Variants in PODXL observed in about 807,000 individuals in gnomAD.
PODXL encodes the protein podocalyxin.
A neutral mutation model predicts 48.9 loss-of-function variants in PODXL; 20 were observed. The observed-to-expected ratio is 0.41, with a 90% confidence interval of 0.29 to 0.59. PODXL has a LOEUF of 0.59. Among genes scored for constraint, PODXL ranks in the 20% least tolerant of loss-of-function variants. The pLI is 0.31. For synonymous variants in PODXL, 295 were observed against 287.4 expected, an observed-to-expected ratio of 1.03 and a Z score of -0.27; for missense variants, 606 against 675.1, an observed-to-expected ratio of 0.90 and a Z score of 1.13.
At chr7:131,548,112 C>T (rs1345201975) in intron 1 of PODXL, among the ~76,000 whole-genome samples, 3 of 152,230 alleles carry the variant, frequency 2.0e-5, no homozygotes, top group Non-Finnish European at 4.4e-5. Context: ...AGAAACTGCC[C>T]CTCAGGACCA....
chr7:131,527,499 G>A (rs1229397069), intron 1 of PODXL, among the ~76,000 whole-genome samples: 10 of 152,172 alleles, frequency 6.6e-5, no homozygotes, highest in East Asian at 1.9e-4. Flanking sequence ...TTAGATTCAC[G>A]TTTTAAGGAA....
intron 1 of PODXL, among the ~76,000 whole-genome samples, chr7:131,553,861 C>T (rs901855842): frequency 1.2e-4 from 19 of 152,122 alleles, no homozygotes; most frequent in African/African-American, 4.1e-4. Flanking sequence ...AACGGAGGCA[C>T]GGAGATGTGA....
intron 1 of PODXL, among the ~76,000 whole-genome samples, chr7:131,550,538 C>G (rs1798651657): frequency 6.6e-6 from 1 of 151,964 alleles, no homozygotes; most frequent in African/African-American, 2.4e-5. Flanking sequence ...CCCAGCTACT[C>G]AGGAGGCTGA....
At chr7:131,543,151 C>A (rs1798511212) in intron 1 of PODXL, among the ~76,000 whole-genome samples, 1 of 152,148 alleles carries the variant, frequency 6.6e-6, no homozygotes, top group Non-Finnish European at 1.5e-5. Context: ...AAGATAGGGT[C>A]TTGTTATGTC....
At position 131,506,038 on chromosome 7, in the gene PODXL, G is replaced by A; in HGVS notation, c.1312-3C>T. On this transcript the variant is annotated splice_polypyrimidine_tract_variant and splice_region_variant and intron_variant, in intron 7 of 8. Transcript: ENST00000378555. The stretch of plus-strand genomic sequence containing the variant: ...AGCTTCATGTCACTGACCCCTGCCT[G>A]CATGGGAAGTGGCAGAGAACAGGCT... The A allele has an allele frequency of 1.2e-6, 2 of 1,609,544 alleles. No homozygotes were observed. Among genetic ancestry groups the A allele is most frequent in the South Asian group, 2.2e-5 (2 of 90,242 alleles).
At chr7:131,510,787 A>G in intron 2 of PODXL, 41 bp downstream of exon 2, 1 of 1,613,344 alleles carries the variant, frequency 6.2e-7, no homozygotes, top group Middle Eastern at 1.7e-4. Flanking sequence ...CCTGGCCCTG[A>G]AAAGTTTCTT....
chr7:131,550,825 C>T (rs1422933063), intron 1 of PODXL, among the ~76,000 whole-genome samples: 4 of 152,026 alleles, frequency 2.6e-5, no homozygotes, highest in Admixed American at 2.6e-4. Flanking sequence ...GCACACCCAC[C>T]TCCTGGAAAG....
chr7:131,504,274 G>A lies in PODXL; in HGVS notation c.*37C>T, dbSNP rs763203018. On this transcript the variant is annotated 3_prime_UTR_variant, in exon 9 of 9. Coordinates refer to ENST00000378555, the MANE Select transcript of PODXL (RefSeq NM_001018111.3). Reference sequence around the variant, plus strand: ...CGGCACTTGGGGTGGTTGGTCTGGAGCTCTGTGGTGCTGCTGGAGGCCACC... The same window carrying A: ...CGGCACTTGGGGTGGTTGGTCTGGAACTCTGTGGTGCTGCTGGAGGCCACC... 2 of 1,579,036 alleles carry A rather than the reference G, an allele frequency of 1.3e-6. No individual in the cohort carries two copies. The highest frequency in any genetic ancestry group is 1.7e-6 in the Non-Finnish European group (2 of 1,150,036).
At chr7:131,546,219 G>T (rs1047096085) in intron 1 of PODXL, among the ~76,000 whole-genome samples, 1 of 152,182 alleles carries the variant, frequency 6.6e-6, no homozygotes, top group African/African-American at 2.4e-5. Context: ...GTAGGCTCAG[G>T]GTTGGATGAT....
chr7:131,507,776 T>C (rs1323305367), intron 5 of PODXL, among the ~76,000 whole-genome samples: 1 of 152,076 alleles, frequency 6.6e-6, no homozygotes, highest in African/African-American at 2.4e-5. Flanking sequence ...CCAGAGCCCA[T>C]ATCATGCAAT....
rs35374057 is a variant in PODXL at position 131,521,157 on chromosome 7, C to CAA, written c.101-9726_101-9725dup. Among the ~76,000 whole-genome samples, 545 of 134,708 alleles carry CAA rather than the reference C, an allele frequency of 4.0e-3. 7 individuals carry two copies. The highest frequency in any genetic ancestry group is 7.2e-3 in the South Asian group (30 of 4,150). 88.4% of individuals were successfully genotyped at this position (134,708 alleles called of 152,430 possible). On this transcript the variant is annotated intron_variant, in intron 1 of 8. Coordinates refer to ENST00000378555, the MANE Select transcript of PODXL (RefSeq NM_001018111.3). ...CACTCCAGCCTGGGCGACTCCATCTCAAAAAAAAAAAAAAAGCTGAGAAGC... is the reference window on the plus strand; with the variant it reads ...CACTCCAGCCTGGGCGACTCCATCTCAAAAAAAAAAAAAAAAAGCTGAGAAGC...
rs753654977 is a variant in PODXL, at chr7:131,523,678, CAAAAAAAAAAAA to C, written c.101-12257_101-12246del. Among the ~76,000 whole-genome samples, 40 of 61,938 alleles carry C rather than the reference CAAAAAAAAAAAA, an allele frequency of 6.5e-4. 1 individual carries two copies. In the Admixed American group the frequency reaches 9.4e-3, roughly 15 times the overall value. 40.6% of individuals were successfully genotyped at this position (61,938 alleles called of 152,430 possible). On this transcript the variant is annotated intron_variant, in intron 1 of 8. Coordinates refer to ENST00000378555, the MANE Select transcript of PODXL (RefSeq NM_001018111.3). ...TGGGCAACAGAGCGAGAATCCGTCT[CAAAAAAAAAAAA>C]AAAAAAAAAAAACAAGAAAAGAAAA...
chr7:131,532,807 A>G (rs533566851), intron 1 of PODXL, among the ~76,000 whole-genome samples: 14 of 152,208 alleles, frequency 9.2e-5, no homozygotes, highest in African/African-American at 2.9e-4. Flanking sequence ...AGCCTCCATG[A>G]TGGATTAGTG....
intron 1 of PODXL, among the ~76,000 whole-genome samples, chr7:131,543,130 A>G (rs1217043725): frequency 6.6e-6 from 1 of 152,050 alleles, no homozygotes; most frequent in East Asian, 1.9e-4. Flanking sequence ...TATTATTTTC[A>G]TATTTATTTA....
intron 1 of PODXL, among the ~76,000 whole-genome samples, chr7:131,544,633 G>A (rs929057506): frequency 4.0e-5 from 6 of 150,962 alleles, no homozygotes; most frequent in Admixed American, 1.3e-4. Flanking sequence ...GAGCAGCAGG[G>A]CCTCCGCACG....
chr7:131,546,725 CAAAAAAAAAAAAAA>C (rs10593482), intron 1 of PODXL, among the ~76,000 whole-genome samples: 4 of 50,120 alleles, frequency 8.0e-5, no homozygotes, highest in Non-Finnish European at 1.5e-4. Flanking sequence ...GGCCCTGTCT[CAAAAAAAAAAAAAA>C]AAAAAAAAAA....
rs571328256 is a variant in PODXL, at chr7:131,545,383, T to C, written c.100+10877A>G. ...CTAGACACATGTGAGTGTGTTGTTA[T>C]AGCTAACGCTTTTCCAGCTTGGTCT... On this transcript the variant is annotated intron_variant, in intron 1 of 8. Coordinates refer to ENST00000378555, the MANE Select transcript of PODXL (RefSeq NM_001018111.3). Among the ~76,000 whole-genome samples the C allele has an allele frequency of 2.4e-4, 36 of 152,350 alleles. 1 individual carries two copies. The highest frequency in any genetic ancestry group is 3.4e-4 in the Non-Finnish European group (23 of 68,036).
chr7:131,553,940 C>T (rs1463512487), intron 1 of PODXL, among the ~76,000 whole-genome samples: 1 of 152,168 alleles, frequency 6.6e-6, no homozygotes, highest in Non-Finnish European at 1.5e-5. Context: ...GATGAATTGT[C>T]CAACCCTTAA....
At chr7:131,539,546 G>T (rs995687923) in intron 1 of PODXL, among the ~76,000 whole-genome samples, 1 of 152,198 alleles carries the variant, frequency 6.6e-6, no homozygotes, top group Non-Finnish European at 1.5e-5. Flanking sequence ...GGCCAGGCTG[G>T]TCTTGAAGTC....
Sources: allele counts gnomAD v4.1 joint callset (sites outside exome capture counted in the v4.1 genomes callset), GRCh38; gene constraint gnomAD v4.1.1; transcripts MANE v1.5; gene names NCBI Gene and HGNC (gene_info 2026-07-23, HGNC 2026-07-21).